The following SHLD2 variants were observed in gnomAD, a reference collection of about 807,000 sequenced individuals.
SHLD2 encodes the protein shieldin complex subunit 2.
SHLD2 carries 30 observed loss-of-function variants against 73.2 expected under a neutral mutation model. The observed-to-expected ratio is 0.41, with a 90% CI of 0.31 to 0.56. The LOEUF is 0.56. Ranked by LOEUF, SHLD2 falls within the 20% of genes least tolerant of loss-of-function variation. SHLD2 has a pLI of 0.28. For synonymous variants in SHLD2, 285 were observed against 370.1 expected (o/e 0.77, Z 2.64); for missense variants, 745 against 1,055.9 (o/e 0.71, Z 4.08).
chr10:87,184,501 TG>T (rs1848495121), intron 8 of SHLD2, among the ~76,000 whole-genome samples: 1 of 152,086 alleles, frequency 6.6e-6, no homozygotes, highest in South Asian at 2.1e-4. Context: ...CCCTACGACC[TG>T]TTGCGCAAAC....
chr10:87,102,027 G>GAA (rs1842299413), intron 2 of SHLD2, among the ~76,000 whole-genome samples: 1 of 151,852 alleles, frequency 6.6e-6, no homozygotes, highest in Non-Finnish European at 1.5e-5. Flanking sequence ...TTCTTTTTTT[G>GAA]TTTCCAATCT....
At position 87,177,686 on chromosome 10, in the gene SHLD2, G is replaced by A. The variant is rs553751748; in HGVS notation, c.2170+1591G>A. Among the ~76,000 whole-genome samples, 5 of 152,190 alleles carry A rather than the reference G, an allele frequency of 3.3e-5. No individual in the cohort carries two copies. In the South Asian group the frequency reaches 1.0e-3, roughly 32 times the overall value. On this transcript the variant is annotated intron_variant, in intron 7 of 9. Transcript: ENST00000298786. The stretch of plus-strand genomic sequence containing the variant: ...AAAGGAGAAAGAGAGATCAGCATGG[G>A]AGCATTTCCTAGAAGGGTCTGCTTG...
At chr10:87,147,085 AAAAC>A (rs1156355067) in intron 2 of SHLD2, among the ~76,000 whole-genome samples, 10 of 149,804 alleles carry the variant, frequency 6.7e-5, no homozygotes, top group Admixed American at 3.3e-4. Context: ...AAAAAAAAAA[AAAAC>A]AAAAAAACCT....
At chr10:87,144,794 T>C in intron 2 of SHLD2, among the ~76,000 whole-genome samples, 1 of 148,988 alleles carries the variant, frequency 6.7e-6, no homozygotes. Context: ...GCCCAGCTAA[T>C]TTTTTGTATT....
chr10:87,180,365 T>C, intron 8 of SHLD2, 62 bp downstream of exon 8: 3 of 1,580,598 alleles, frequency 1.9e-6, no homozygotes, highest in Non-Finnish European at 2.6e-6. Flanking sequence ...GAAAAATTAG[T>C]CTGTAAACCC....
At chr10:87,181,036 A>C (rs1387728054) in intron 8 of SHLD2, among the ~76,000 whole-genome samples, 1 of 152,026 alleles carries the variant, frequency 6.6e-6, no homozygotes, top group African/African-American at 2.4e-5. Context: ...TAAGTGAATA[A>C]ATTTTGCTAT....
At chr10:87,125,593 C>T (rs534736308) in intron 2 of SHLD2, among the ~76,000 whole-genome samples, 2 of 152,130 alleles carry the variant, frequency 1.3e-5, no homozygotes, top group East Asian at 1.9e-4. Flanking sequence ...AAAAATGAGC[C>T]GGGCGTGGTG....
intron 2 of SHLD2, among the ~76,000 whole-genome samples, chr10:87,108,328 C>T (rs980560502): frequency 1.1e-4 from 17 of 152,134 alleles, no homozygotes; most frequent in South Asian, 4.1e-4. Context: ...GGATTACAGG[C>T]GTGAGCCACT....
rs191647610 is a variant in SHLD2, at chr10:87,187,870, A to T, written c.2515+670A>T. Among the ~76,000 whole-genome samples the T allele has an allele frequency of 5.4e-3, 819 of 152,214 alleles. 24 individuals are homozygous for T. Among genetic ancestry groups the T allele is most frequent in the Admixed American group, 0.049 (747 of 15,282 alleles). ...TTACTGGAGGTGAGGGGTGAGCAGG[A>T]TGGTCAGTCTTGTCATAAGTTGAGT... On this transcript the variant is annotated intron_variant, in intron 9 of 9. Transcript: ENST00000298786.
intron 6 of SHLD2, among the ~76,000 whole-genome samples, chr10:87,173,601 A>G (rs1197516856): frequency 6.6e-6 from 1 of 152,208 alleles, no homozygotes; most frequent in Non-Finnish European, 1.5e-5. Context: ...AGAGATTCAA[A>G]TACAAAAATA....
At chr10:87,106,365 A>T (rs1271133905) in intron 2 of SHLD2, among the ~76,000 whole-genome samples, 1 of 152,132 alleles carries the variant, frequency 6.6e-6, no homozygotes, top group African/African-American at 2.4e-5. Flanking sequence ...AAAATAACTG[A>T]CTTGCTCTCT....
intron 2 of SHLD2, among the ~76,000 whole-genome samples, chr10:87,110,122 C>G (rs1289216839): frequency 1.3e-5 from 2 of 151,502 alleles, no homozygotes; most frequent in South Asian, 4.2e-4. Context: ...GACCCTGTCT[C>G]TACAAAAAAT....
At chr10:87,145,033 C>T (rs1318679056) in intron 2 of SHLD2, among the ~76,000 whole-genome samples, 2 of 147,722 alleles carry the variant, frequency 1.4e-5, no homozygotes, top group Non-Finnish European at 1.5e-5. Context: ...CTCCGCCTCC[C>T]GGGTTCACGC....
intron 2 of SHLD2, among the ~76,000 whole-genome samples, chr10:87,126,522 T>TA (rs1428697978): frequency 1.4e-4 from 21 of 151,624 alleles, no homozygotes; most frequent in Non-Finnish European, 2.4e-4. Context: ...AACTGCAAAT[T>TA]AAAAAAAAAC....
intron 2 of SHLD2, among the ~76,000 whole-genome samples, chr10:87,099,713 C>A (rs1432015971): frequency 6.6e-6 from 1 of 152,214 alleles, no homozygotes; most frequent in Admixed American, 6.5e-5. Context: ...TACTGCCAAA[C>A]TTTTCCACAG....
At chr10:87,163,194 G>A (rs959695625) in intron 4 of SHLD2, among the ~76,000 whole-genome samples, 2 of 151,970 alleles carry the variant, frequency 1.3e-5, no homozygotes, top group Non-Finnish European at 2.9e-5. Flanking sequence ...ACTGTTATGT[G>A]AAAACATAAA....
chr10:87,145,519 T>G (rs1845540631), intron 2 of SHLD2, among the ~76,000 whole-genome samples: 1 of 152,064 alleles, frequency 6.6e-6, no homozygotes, highest in Admixed American at 6.6e-5. Flanking sequence ...TTGAGCAACT[T>G]TATGATTTTT....
At chr10:87,155,492 T>C (rs1036038167) in intron 3 of SHLD2, among the ~76,000 whole-genome samples, 14 of 151,532 alleles carry the variant, frequency 9.2e-5, no homozygotes, top group African/African-American at 2.7e-4. Flanking sequence ...AATGCCTCAT[T>C]GTAAATGAAA....
chr10:87,147,697 C>CT (rs1233949515), intron 2 of SHLD2, among the ~76,000 whole-genome samples: 1 of 151,346 alleles, frequency 6.6e-6, no homozygotes, highest in African/African-American at 2.4e-5. Context: ...TATTATATGA[C>CT]TTTTTTTCTG....
Sources: allele counts gnomAD v4.1 joint callset (sites outside exome capture counted in the v4.1 genomes callset), GRCh38; gene constraint gnomAD v4.1.1; transcripts MANE v1.5; gene names NCBI Gene and HGNC (gene_info 2026-07-23, HGNC 2026-07-21).